LRRC27: variants seen among roughly 807,000 people sequenced by gnomAD.
The protein encoded by LRRC27 is leucine rich repeat containing 27.
LRRC27 carries 57 observed loss-of-function variants against 55.0 expected under a neutral mutation model. The ratio of observed to expected loss-of-function variants is 1.04; its 90% CI spans 0.84 to 1.29. The LOEUF is 1.29. Ranked by LOEUF, LRRC27 falls within the 50% of genes most tolerant of loss-of-function variation. The pLI is 0.00. For missense variants in LRRC27, 721 were observed against 651.5 expected (o/e 1.11, Z -1.16); for synonymous variants, 278 against 251.9 (o/e 1.10, Z -0.98).
chr10:132,364,415 G>A (rs61864514), intron 9 of LRRC27, among the ~76,000 whole-genome samples: 2,585 of 6,552 alleles, frequency 0.39, 368 homozygotes, highest in African/African-American at 0.48. Context: ...CTCCACACCC[G>A]CGCTTACACC....
intron 10 of LRRC27, chr10:132,367,017 T>C (rs1013958060): frequency 1.5e-5 from 18 of 1,165,798 alleles, no homozygotes; most frequent in Non-Finnish European, 2.0e-5. Flanking sequence ...CGTTTATGAG[T>C]ATGACCTTGT....
chr10:132,346,734 G>A (rs2067715760), intron 5 of LRRC27, among the ~76,000 whole-genome samples: 1 of 152,180 alleles, frequency 6.6e-6, no homozygotes, highest in Non-Finnish European at 1.5e-5. Context: ...TCATTTTCAT[G>A]AATTTCAGTT....
intron 8 of LRRC27, 75 bp downstream of exon 8, chr10:132,355,961 C>A: frequency 9.7e-7 from 1 of 1,032,830 alleles, no homozygotes; most frequent in Non-Finnish European, 1.5e-6. Flanking sequence ...GCATCCCTGT[C>A]CATGGAGGAT....
At chr10:132,365,226 C>T (rs372042098) in intron 9 of LRRC27, among the ~76,000 whole-genome samples, 198 bp from the exon 10 acceptor site, 17 of 152,338 alleles carry the variant, frequency 1.1e-4, no homozygotes, top group African/African-American at 2.9e-4. Flanking sequence ...CCAGGCCCCC[C>T]GGCGTGAGTC....
chr10:132,350,564 T>C (rs994913751), intron 6 of LRRC27: 1 of 152,354 alleles, frequency 6.6e-6, no homozygotes, highest in African/African-American at 2.4e-5. Flanking sequence ...CGAGGGACAG[T>C]CACTGCTGTT....
chr10:132,331,612 G>A (rs1355550601), upstream of LRRC27: 2 of 1,612,914 alleles, frequency 1.2e-6, no homozygotes, highest in Non-Finnish European at 1.7e-6. Context: ...TGAGCCCAGC[G>A]GGAAGGACAG....
intron 9 of LRRC27, among the ~76,000 whole-genome samples, chr10:132,362,820 C>A (rs187957546): frequency 0.014 from 1,965 of 143,356 alleles, 40 homozygotes; most frequent in South Asian, 0.042. Context: ...GGGTTCACCC[C>A]TCTTACCTCA....
chr10:132,344,433 A>T, intron 4 of LRRC27, 65 bp from the exon 5 acceptor site: 2 of 1,472,348 alleles, frequency 1.4e-6, no homozygotes, highest in South Asian at 2.5e-5. Context: ...ACTATTATTT[A>T]TTCCTCATTT....
At chr10:132,373,297 G>GGCAGGTTCCA (rs1481889808) in intron 10 of LRRC27, among the ~76,000 whole-genome samples, 1 of 152,202 alleles carries the variant, frequency 6.6e-6, no homozygotes, top group Non-Finnish European at 1.5e-5. Flanking sequence ...GGCAGGTTCC[G>GGCAGGTTCCA]GCAGGTTCCA....
At chr10:132,366,643 G>A (rs1185661496) in intron 10 of LRRC27, 1 of 184,184 alleles carries the variant, frequency 5.4e-6, no homozygotes, top group Non-Finnish European at 1.1e-5. Context: ...GTCCTCTCAA[G>A]CTACCCAAGG....
chr10:132,354,494 T>TGGGGCTG (rs1203884694), intron 7 of LRRC27, among the ~76,000 whole-genome samples: 2 of 152,020 alleles, frequency 1.3e-5, no homozygotes, highest in Admixed American at 6.5e-5. Context: ...CCACCCTGGC[T>TGGGGCTG]GGGGCTGGGG....
At chr10:132,345,406 G>T (rs558944483) in intron 5 of LRRC27, among the ~76,000 whole-genome samples, 1 of 152,206 alleles carries the variant, frequency 6.6e-6, no homozygotes, top group African/African-American at 2.4e-5. Flanking sequence ...ATAACGTGTG[G>T]CCTTGCACTT....
chr10:132,348,146 AC>A lies in LRRC27; in HGVS notation c.718del (p.Leu240Ter), dbSNP rs1564834490. On this transcript the variant is annotated frameshift_variant, in exon 6 of 11. Transcript: ENST00000368614. LOFTEE classifies it high-confidence loss of function. The surrounding 1 kb of genome is among the most constrained non-coding windows in gnomAD (Gnocchi z 4.2). ...ASFLPPVEKP[D>X]LSELRKSADS... Reference sequence around the variant, plus strand: ...TTTCTCCCACCTGTGGAAAAGCCAGACCTGAGTGAACTCAGGAAGTCTGCGG... The same window carrying A: ...TTTCTCCCACCTGTGGAAAAGCCAGACTGAGTGAACTCAGGAAGTCTGCGG... The A allele has an allele frequency of 1.9e-6, 3 of 1,614,074 alleles. No individual in the cohort carries two copies. Among genetic ancestry groups the A allele is most frequent in the Non-Finnish European group, 2.5e-6 (3 of 1,180,030 alleles).
rs534765382 is a variant in LRRC27 at position 132,373,810 on chromosome 10, T to C, written c.1417-1256T>C. The stretch of plus-strand genomic sequence containing the variant: ...AGGGAGACCAGGTCAGTCTGAGGAC[T>C]TGGCCAGTGGAGGAGGATGTCGAGA... On this transcript the variant is annotated intron_variant, in intron 10 of 10. Transcript: ENST00000368614. Among the ~76,000 whole-genome samples the C allele has an allele frequency of 1.8e-4, 28 of 152,232 alleles. No homozygotes were observed. The South Asian group carries it at 4.6e-3, about 25-fold the overall frequency.
At chr10:132,331,679 G>C (rs756909510), upstream of LRRC27, 2 of 1,612,802 alleles carry the variant, frequency 1.2e-6, no homozygotes, top group Admixed American at 1.7e-5. Flanking sequence ...CTGCTCGGCT[G>C]TCCTCGAGCA....
At chr10:132,361,299 G>A (rs1056100274) in intron 8 of LRRC27, among the ~76,000 whole-genome samples, 158 bp from the exon 9 acceptor site, 2 of 152,248 alleles carry the variant, frequency 1.3e-5, no homozygotes, top group Admixed American at 6.5e-5. Context: ...GCCAAGACCT[G>A]GGGGGATGAC....
intron 2 of LRRC27, 182 bp from the exon 3 acceptor site, chr10:132,337,381 TTC>T: frequency 1.4e-6 from 2 of 1,385,316 alleles, no homozygotes; most frequent in Non-Finnish European, 1.9e-6. Context: ...CCTGGTTCTT[TTC>T]TTTCTGATTC....
Position 132,347,986 on chromosome 10 carries a change from G to C in LRRC27, c.556G>C (p.Ala186Pro). 1 of 1,598,540 alleles carries C rather than the reference G, an allele frequency of 6.3e-7. No homozygotes were observed. The highest frequency in any genetic ancestry group is 8.5e-7 in the Non-Finnish European group (1 of 1,173,342). ...SLPRNPTSQE[A>P]PPVREMTLRD... ...AAAGCGGTTTCTTACTCTCCCAGAG[G>C]CTCCACCGGTTAGAGAGATGACCCT... Residue 186 changes from alanine to proline, a missense_variant and splice_region_variant, in exon 6 of 11, where the codon GCT (alanine) becomes CCT (proline). Physicochemically the swap from Ala to Pro is conservative, Grantham distance 27. Transcript: ENST00000368614.
intron 10 of LRRC27, chr10:132,366,854 A>T: frequency 7.8e-7 from 1 of 1,282,304 alleles, no homozygotes; most frequent in Non-Finnish European, 1.0e-6. Context: ...AGAGCCGGAG[A>T]TGGGAGAGAG....
Sources: gnomAD v4.1 joint callset for allele counts (sites outside exome capture counted in the v4.1 genomes callset) on GRCh38, gnomAD v4.1.1 for gene constraint, Gnocchi (gnomAD v3.1) non-coding constraint, MANE v1.5 for transcripts, NCBI Gene and HGNC (gene_info 2026-07-23, HGNC 2026-07-21) for gene names.